ESRRG: variants seen among roughly 807,000 people sequenced by gnomAD.
ESRRG encodes the protein estrogen-related receptor gamma.
A neutral mutation model predicts 44.0 loss-of-function variants in ESRRG; 13 were observed. The observed-to-expected ratio is 0.30, with a 90% CI of 0.19 to 0.47. The LOEUF is 0.47. Ranked by LOEUF, ESRRG falls within the 20% of genes least tolerant of loss-of-function variation. The pLI, the probability that ESRRG is intolerant of heterozygous loss-of-function variation, is 1.00. For synonymous variants in ESRRG, 215 were observed against 214.6 expected (o/e 1.00, Z -0.02); for missense variants, 395 against 580.6 (o/e 0.68, Z 3.29).
At chr1:216,696,132 T>C (rs953639114) in intron 1 of ESRRG, among the ~76,000 whole-genome samples, 20 of 152,202 alleles carry the variant, frequency 1.3e-4, no homozygotes, top group Admixed American at 1.3e-4. Flanking sequence ...CTTTTTCTTT[T>C]CTCTGAGGGA....
chr1:216,821,338 T>C (rs963261342), intron 2 of ESRRG, among the ~76,000 whole-genome samples: 4 of 152,112 alleles, frequency 2.6e-5, no homozygotes, highest in Admixed American at 6.6e-5. Flanking sequence ...CCCATCCCAC[T>C]GAACCATTTG....
intron 1 of ESRRG, among the ~76,000 whole-genome samples, chr1:216,990,185 C>G (rs909718522): frequency 6.6e-6 from 1 of 152,100 alleles, no homozygotes; most frequent in Admixed American, 6.5e-5. Flanking sequence ...GAAGGGATGG[C>G]ATGACAGGCA....
Position 216,507,172 on chromosome 1 carries a change from T to C in ESRRG, c.1144A>G (p.Ile382Val). ...TTCTGAACGGCTTCAACATCTTCTA[T>C]GTGCATGGAGTCTGTGCAATGAAGC... ...IALANSDSMH[I>V]EDVEAVQKLQ... The change falls in exon 7 of 7, where the codon ATA becomes GTA. Residue 382 changes from isoleucine (I) to valine (V), a missense_variant. This residue lies in a region of ESRRG where 167 missense variants were observed against 251.8 expected (regional missense o/e 0.66). Transcript: ENST00000408911. The C allele has an allele frequency of 1.2e-6, 2 of 1,610,932 alleles. No homozygotes were observed. The highest frequency in any genetic ancestry group is 1.7e-6 in the Non-Finnish European group (2 of 1,178,634).
intron 1 of ESRRG, among the ~76,000 whole-genome samples, chr1:217,032,965 C>T (rs1050187019): frequency 2.6e-5 from 4 of 152,130 alleles, no homozygotes; most frequent in Admixed American, 6.5e-5. Context: ...CGGCACAGAC[C>T]GTCCCCTGTG....
intron 1 of ESRRG, among the ~76,000 whole-genome samples, chr1:217,106,396 A>G (rs796736901): frequency 1.3e-3 from 188 of 150,288 alleles, no homozygotes; most frequent in South Asian, 9.8e-3. Context: ...ACATATGCAC[A>G]CACACACACA....
At chr1:216,732,434 T>G (rs1322698220) in intron 2 of ESRRG, among the ~76,000 whole-genome samples, 1 of 151,510 alleles carries the variant, frequency 6.6e-6, no homozygotes, top group East Asian at 2.0e-4. Context: ...TGGTGTGCAG[T>G]GGCACAATCT....
chr1:216,867,833 G>A (rs1036367901), intron 2 of ESRRG, among the ~76,000 whole-genome samples: 1 of 152,018 alleles, frequency 6.6e-6, no homozygotes, highest in Non-Finnish European at 1.5e-5. Flanking sequence ...ACATGAATAG[G>A]TTAATGTAAA....
At chr1:216,792,297 A>G (rs2094342898) in intron 2 of ESRRG, among the ~76,000 whole-genome samples, 2 of 152,168 alleles carry the variant, frequency 1.3e-5, no homozygotes, top group Admixed American at 6.6e-5. Flanking sequence ...TTATGCAAGA[A>G]CTAGAAGTCA....
At chr1:217,047,347 CTTTTTCCAGTG>C (rs1174127428) in intron 1 of ESRRG, among the ~76,000 whole-genome samples, 2 of 152,124 alleles carry the variant, frequency 1.3e-5, no homozygotes, top group Non-Finnish European at 2.9e-5. Flanking sequence ...CCAACCAATT[CTTTTTCCAGTG>C]TTTTGCATCT....
At chr1:216,835,031 T>C (rs2095542197) in intron 2 of ESRRG, among the ~76,000 whole-genome samples, 1 of 152,144 alleles carries the variant, frequency 6.6e-6, no homozygotes, top group Non-Finnish European at 1.5e-5. Flanking sequence ...AACATTTTCA[T>C]GATAAAATTG....
At chr1:216,739,581 T>G (rs2090407500) in intron 2 of ESRRG, among the ~76,000 whole-genome samples, 1 of 152,122 alleles carries the variant, frequency 6.6e-6, no homozygotes, top group Non-Finnish European at 1.5e-5. Flanking sequence ...TTAGTGTAAA[T>G]TCTCGGCCCT....
At chr1:216,635,169 C>T (rs1057094540) in intron 3 of ESRRG, among the ~76,000 whole-genome samples, 4 of 152,222 alleles carry the variant, frequency 2.6e-5, no homozygotes, top group South Asian at 2.1e-4. Context: ...ATTTGATGTT[C>T]AGGGGTCAAT....
At chr1:216,872,804 G>A (rs531114444) in intron 2 of ESRRG, among the ~76,000 whole-genome samples, 22 of 152,256 alleles carry the variant, frequency 1.4e-4, no homozygotes, top group Admixed American at 2.6e-4. Context: ...CAAAACATCC[G>A]TATCTGTTCA....
chr1:216,542,108 G>GAT (rs1448045715), intron 5 of ESRRG, among the ~76,000 whole-genome samples: 4 of 145,284 alleles, frequency 2.8e-5, no homozygotes, highest in African/African-American at 1.0e-4. Flanking sequence ...GAGAGAGAGA[G>GAT]AGATAGAATG....
chr1:216,795,999 C>T (rs887026987), intron 2 of ESRRG, among the ~76,000 whole-genome samples: 3 of 152,138 alleles, frequency 2.0e-5, no homozygotes, highest in Non-Finnish European at 4.4e-5. Context: ...CATTGCATAT[C>T]AGGTATTGGT....
intron 1 of ESRRG, among the ~76,000 whole-genome samples, chr1:217,133,631 T>TTCTTTCTTTCTCTCTCTCTC (rs1491192210): frequency 1.7e-5 from 1 of 58,450 alleles, no homozygotes. Flanking sequence ...CTTTCTTTCT[T>TTCTTTCTTTCTCTCTCTCTC]TCTCTCTCTC....
rs560330543 is a variant in ESRRG at position 217,025,712 on chromosome 1, G to T, written c.-106+63795C>A. On this transcript the variant is annotated intron_variant, in intron 1 of 7. Transcript: ENST00000359162. ...CCCTATCTACTTTATAGAAACTCAG[G>T]ATCAGGACATAATCAAAGTCAAATG... Among the ~76,000 whole-genome samples, 656 of 152,216 alleles carry T rather than the reference G, an allele frequency of 4.3e-3. 14 individuals are homozygous for T. Among genetic ancestry groups the T allele is most frequent in the Non-Finnish European group, 5.1e-3 (349 of 68,010 alleles).
At chr1:217,105,683 C>T (rs2092583612) in intron 1 of ESRRG, among the ~76,000 whole-genome samples, 1 of 152,150 alleles carries the variant, frequency 6.6e-6, no homozygotes, top group Admixed American at 6.5e-5. Flanking sequence ...TCCATGGTAA[C>T]AGATCCTGCA....
intron 1 of ESRRG, among the ~76,000 whole-genome samples, chr1:217,041,575 C>T (rs559234281): frequency 6.6e-6 from 1 of 152,280 alleles, no homozygotes; most frequent in South Asian, 2.1e-4. Context: ...TTAAGGAGTA[C>T]ATTTTCCATC....
Sources: gnomAD v4.1 joint callset for allele counts (sites outside exome capture counted in the v4.1 genomes callset) on GRCh38, gnomAD v4.1.1 for gene constraint, gnomAD v4.1.1 regional missense constraint, MANE v1.5 for transcripts, NCBI Gene and HGNC (gene_info 2026-07-23, HGNC 2026-07-21) for gene names.